The following ASAP2 variants were observed in gnomAD, a reference collection of about 807,000 sequenced individuals.
ASAP2 encodes the protein arf-GAP with SH3 domain, ANK repeat and PH domain-containing protein 2.
ASAP2 carries 45 observed loss-of-function variants against 131.4 expected under a neutral mutation model. The observed-to-expected ratio is 0.34, with a 90% CI of 0.27 to 0.44. The LOEUF (loss-of-function observed/expected upper bound fraction) is 0.44, where lower values mean the gene tolerates loss of function less well. Ranked by LOEUF, ASAP2 falls within the 20% of genes least tolerant of loss-of-function variation. ASAP2 has a pLI of 1.00. For synonymous variants in ASAP2, 510 were observed against 503.0 expected, an observed-to-expected ratio of 1.01 and a Z score of -0.19; for missense variants, 1,011 against 1,297.0, an observed-to-expected ratio of 0.78 and a Z score of 3.39.
At chr2:9,310,200 G>C (rs1047591721) in intron 3 of ASAP2, among the ~76,000 whole-genome samples, 4 of 152,182 alleles carry the variant, frequency 2.6e-5, no homozygotes, top group African/African-American at 9.7e-5. Flanking sequence ...TGACTGAGCA[G>C]CATTTGCTCG....
At chr2:9,262,500 A>T (rs1288002944) in intron 1 of ASAP2, among the ~76,000 whole-genome samples, 2 of 152,230 alleles carry the variant, frequency 1.3e-5, no homozygotes, top group Non-Finnish European at 2.9e-5. Flanking sequence ...AACAGAAGTC[A>T]GTGAGGTGGA....
Position 9,316,906 on chromosome 2 carries a change from A to AC in ASAP2, c.346-1611dup, listed in dbSNP as rs371438104. ...CCTTTTATCTCCTTTGCCTAGCAAC[A>AC]CCCCCCCAACACACACCCCCTCACA... On this transcript the variant is annotated intron_variant, in intron 3 of 27. Coordinates refer to ENST00000281419, the MANE Select transcript of ASAP2 (RefSeq NM_003887.3). Among the ~76,000 whole-genome samples the AC allele has an allele frequency of 1.3e-4, 17 of 133,006 alleles. 1 individual carries two copies. The highest frequency in any genetic ancestry group is 3.4e-4 in the African/African-American group (12 of 35,296). 87.3% of individuals were successfully genotyped at this position (133,006 alleles called of 152,430 possible).
rs565247051 is a variant in ASAP2 at position 9,281,318 on chromosome 2, G to C, written c.199+1929G>C. The stretch of plus-strand genomic sequence containing the variant: ...AACACTGGCTGTGTAGCTGCTGCTC[G>C]TCTGGAGGAGAGACTTGTGTGACTC... On this transcript the variant is annotated intron_variant, in intron 2 of 27. Transcript: ENST00000281419. The surrounding 1 kb of genome is among the most constrained non-coding windows in gnomAD (Gnocchi z 4.0). 1.3e-4 allele frequency among the ~76,000 whole-genome samples: 20 copies of C among 152,262 alleles called. No homozygotes were observed. The East Asian group carries it at 3.7e-3, about 28-fold the overall frequency.
At chr2:9,396,895 G>A (rs960790739) in intron 24 of ASAP2, among the ~76,000 whole-genome samples, 21 of 152,224 alleles carry the variant, frequency 1.4e-4, no homozygotes, top group Middle Eastern at 6.8e-3. Context: ...CCAGCTACTC[G>A]GGAGGCAGAG....
chr2:9,344,767 T>C lies in ASAP2; in HGVS notation c.990T>C (p.Val330=). ...TGTGGCAGAAAAGGAAATGTTCAGT[T>C]AAAAATGGTTTTCTGACCATATCCC... ...RKVWQKRKCS[V]KNGFLTISHG... The change falls in exon 11 of 28, where the codon GTT becomes GTC. Residue 330 remains valine (V), a synonymous_variant. Coordinates refer to ENST00000281419, the MANE Select transcript of ASAP2 (RefSeq NM_003887.3). 6.2e-7 allele frequency: 1 copy of C among 1,614,142 alleles called. No individual in the cohort carries two copies. The highest frequency in any genetic ancestry group is 8.5e-7 in the Non-Finnish European group (1 of 1,179,972).
intron 4 of ASAP2, among the ~76,000 whole-genome samples, chr2:9,319,574 G>A (rs965571538): frequency 5.9e-5 from 9 of 152,264 alleles, no homozygotes; most frequent in Non-Finnish European, 1.0e-4. Flanking sequence ...CAGGGTGCAG[G>A]AGGAGCCAGT....
chr2:9,383,867 C>T (rs1472792359), intron 20 of ASAP2, among the ~76,000 whole-genome samples: 4 of 152,142 alleles, frequency 2.6e-5, no homozygotes, highest in Admixed American at 6.5e-5. Flanking sequence ...TTTGTAGGGA[C>T]ATGAATGAAA....
chr2:9,224,768 T>C (rs1662650183), intron 1 of ASAP2, among the ~76,000 whole-genome samples: 1 of 152,254 alleles, frequency 6.6e-6, no homozygotes, highest in South Asian at 2.1e-4. Flanking sequence ...TATCCATCCA[T>C]CTGTCCATTT....
At position 9,300,315 on chromosome 2, in the gene ASAP2, C is replaced by T. The variant is rs117839702; in HGVS notation, c.345+2870C>T. On this transcript the variant is annotated intron_variant, in intron 3 of 27. Coordinates refer to ENST00000281419, the MANE Select transcript of ASAP2 (RefSeq NM_003887.3). ...AGGCAGGCCCACTTGGAGCACTCCA[C>T]ACCATGGAATCCGGACGAAACTAAC... 1.2e-4 allele frequency among the ~76,000 whole-genome samples: 19 copies of T among 152,382 alleles called. No individual in the cohort carries two copies. In the East Asian group the frequency reaches 3.7e-3, roughly 29 times the overall value.
chr2:9,247,028 A>G (rs753966179), intron 1 of ASAP2, among the ~76,000 whole-genome samples: 1 of 151,914 alleles, frequency 6.6e-6, no homozygotes, highest in Admixed American at 6.6e-5. Context: ...TTTTGTAGAG[A>G]TGGGGTCTGT....
Position 9,385,308 on chromosome 2 carries a change from C to A in ASAP2, c.2080C>A (p.Leu694Ile). The change falls in exon 21 of 28, where the codon CTC becomes ATC. Residue 694 changes from leucine to isoleucine, a missense_variant. Physicochemically the swap from Leu to Ile is conservative, Grantham distance 5. This residue lies in a region of ASAP2 where 652 missense variants were observed against 698.9 expected (regional missense o/e 0.93). Coordinates refer to ENST00000281419, the MANE Select transcript of ASAP2 (RefSeq NM_003887.3). ...HVHVEYEWRL[L>I]HEDLDESDDD... Reference sequence around the variant, plus strand: ...TCACGTTGAATATGAATGGCGACTACTCCACGAAGACCTGGATGAAAGTGA... The same window carrying A: ...TCACGTTGAATATGAATGGCGACTAATCCACGAAGACCTGGATGAAAGTGA... The A allele has an allele frequency of 1.2e-6, 2 of 1,614,250 alleles. No homozygotes were observed. The highest frequency in any genetic ancestry group is 1.7e-6 in the Non-Finnish European group (2 of 1,180,046).
Position 9,319,379 on chromosome 2 carries a change from C to T in ASAP2, c.420+781C>T, listed in dbSNP as rs79811466. On this transcript the variant is annotated intron_variant, in intron 4 of 27. Coordinates refer to ENST00000281419, the MANE Select transcript of ASAP2 (RefSeq NM_003887.3). ...ATCTCCAGGACCTCTACAGAGGCCT[C>T]TCAGGGTCTCCTTCACAGAGTGTGC... 9.7e-3 allele frequency among the ~76,000 whole-genome samples: 1,482 copies of T among 152,366 alleles called. 29 individuals carry two copies. Among genetic ancestry groups the T allele is most frequent in the African/African-American group, 0.034 (1,408 of 41,590 alleles).
At chr2:9,248,522 TTGACCCCAG>T (rs372133174) in intron 1 of ASAP2, among the ~76,000 whole-genome samples, 8 of 152,058 alleles carry the variant, frequency 5.3e-5, no homozygotes, top group African/African-American at 1.4e-4. Flanking sequence ...TCCTTGCTAG[TTGACCCCAG>T]TGAGAGTCAG....
chr2:9,390,237 G>C (rs914942788), intron 22 of ASAP2, among the ~76,000 whole-genome samples: 4 of 152,304 alleles, frequency 2.6e-5, no homozygotes, highest in Admixed American at 2.6e-4. Context: ...TGTGGTCTTG[G>C]ATGGAATTCT....
chr2:9,312,038 T>C (rs954783888), intron 3 of ASAP2, among the ~76,000 whole-genome samples: 1 of 152,250 alleles, frequency 6.6e-6, no homozygotes, highest in Non-Finnish European at 1.5e-5. Flanking sequence ...AAGCATATTT[T>C]ATGTATTATA....
intron 11 of ASAP2, among the ~76,000 whole-genome samples, chr2:9,346,124 A>G (rs1331174475): frequency 6.6e-6 from 1 of 152,068 alleles, no homozygotes; most frequent in East Asian, 1.9e-4. Flanking sequence ...GCCATGCAGT[A>G]TGGATCTTAA....
intron 1 of ASAP2, among the ~76,000 whole-genome samples, chr2:9,273,270 G>A (rs1490510912): frequency 1.3e-5 from 2 of 151,972 alleles, no homozygotes; most frequent in East Asian, 3.9e-4. Flanking sequence ...TACTTCTTTG[G>A]TTAATTCCTA....
At chr2:9,372,793 G>A (rs1674078647) in intron 16 of ASAP2, among the ~76,000 whole-genome samples, 1 of 152,066 alleles carries the variant, frequency 6.6e-6, no homozygotes, top group Non-Finnish European at 1.5e-5. Flanking sequence ...CCCACTGTGG[G>A]ACGCAGTCAC....
At chr2:9,355,510 CTG>C (rs1455672744) in intron 12 of ASAP2, among the ~76,000 whole-genome samples, 1 of 152,202 alleles carries the variant, frequency 6.6e-6, no homozygotes. Flanking sequence ...ACTTGTAAAA[CTG>C]TGCTGACACC....
Sources: gnomAD v4.1 joint callset for allele counts (sites outside exome capture counted in the v4.1 genomes callset) on GRCh38, gnomAD v4.1.1 for gene constraint, gnomAD v4.1.1 regional missense constraint, Gnocchi (gnomAD v3.1) non-coding constraint, MANE v1.5 for transcripts, NCBI Gene and HGNC (gene_info 2026-07-23, HGNC 2026-07-21) for gene names.